RMC1: variants seen among roughly 807,000 people sequenced by gnomAD.
The protein encoded by RMC1 is regulator of MON1-CCZ1, also known as regulator of MON1-CCZ1 complex.
RMC1 carries 44 observed loss-of-function variants against 95.5 expected under a neutral mutation model. The observed-to-expected ratio is 0.46, with a 90% CI of 0.36 to 0.59. The LOEUF (loss-of-function observed/expected upper bound fraction) is 0.59. Ranked by LOEUF, RMC1 falls within the 20% of genes least tolerant of loss-of-function variation. RMC1 has a pLI of 0.00. For missense variants in RMC1, 705 were observed against 819.6 expected, an observed-to-expected ratio of 0.86 and a Z score of 1.71; for synonymous variants, 320 against 303.6, an observed-to-expected ratio of 1.05 and a Z score of -0.56.
intron 13 of RMC1, 70 bp from the exon 14 acceptor site, chr18:23,527,725 G>C: frequency 8.2e-7 from 1 of 1,218,096 alleles, no homozygotes; most frequent in Non-Finnish European, 1.2e-6. Flanking sequence ...TTTTATCATA[G>C]CAACGTGTGG....
intron 9 of RMC1, 141 bp downstream of exon 9, chr18:23,519,315 C>G (rs1008371415): frequency 1.5e-6 from 1 of 687,408 alleles, no homozygotes; most frequent in East Asian, 2.8e-5. Flanking sequence ...CCCAGGAGTT[C>G]GAGACCAGCC....
chr18:23,504,515 GT>G (rs2057666067), intron 2 of RMC1, 68 bp downstream of exon 2: 6 of 1,438,562 alleles, frequency 4.2e-6, no homozygotes, highest in Non-Finnish European at 5.9e-6. Context: ...AATTCAAATG[GT>G]TTTTTATAAT....
intron 12 of RMC1, among the ~76,000 whole-genome samples, 162 bp downstream of exon 12, chr18:23,524,644 T>C (rs955621462): frequency 3.3e-5 from 5 of 152,040 alleles, no homozygotes; most frequent in African/African-American, 1.2e-4. Context: ...TTTTTTACTA[T>C]ATGTGCATTT....
intron 19 of RMC1, 71 bp from the exon 20 acceptor site, chr18:23,531,554 C>T: frequency 2.5e-6 from 4 of 1,581,606 alleles, no homozygotes; most frequent in South Asian, 1.2e-5. Context: ...AGTAGACACA[C>T]CTACGAGATG....
At chr18:23,531,388 T>A in intron 19 of RMC1, 3 of 702,984 alleles carry the variant, frequency 4.3e-6, no homozygotes, top group Non-Finnish European at 6.3e-6. Flanking sequence ...CTAGGTCTAT[T>A]TCTAGCTCAA....
chr18:23,530,481 A>C lies in RMC1; in HGVS notation c.1763A>C (p.His588Pro). The change falls in exon 19 of 20, where the codon CAT becomes CCT. Residue 588 changes from histidine to proline, a missense_variant. Transcript: ENST00000269221. The stretch of plus-strand genomic sequence containing the variant: ...AGGTTTATCCGGGGCATTGGTGGCC[A>C]TGACAACATTTCTGCACGAAAATTT... Reference protein sequence around the residue: ...ALRFIRGIGGHDNISARKFLD... With the variant: ...ALRFIRGIGGPDNISARKFLD... 6.2e-7 allele frequency: 1 copy of C among 1,614,288 alleles called. No individual in the cohort carries two copies. Among genetic ancestry groups the C allele is most frequent in the Non-Finnish European group, 8.5e-7 (1 of 1,180,056 alleles).
chr18:23,523,563 A>G (rs1289246992), intron 10 of RMC1, among the ~76,000 whole-genome samples: 1 of 148,686 alleles, frequency 6.7e-6, no homozygotes, highest in Non-Finnish European at 1.5e-5. Flanking sequence ...AAAAAAAAAA[A>G]AAAAAAGAAA....
intron 13 of RMC1, among the ~76,000 whole-genome samples, chr18:23,527,563 G>C (rs1040796403): frequency 1.4e-5 from 2 of 143,830 alleles, no homozygotes; most frequent in Admixed American, 1.4e-4. Context: ...TTATAGGCAT[G>C]TGCCACTGAG....
intron 5 of RMC1, among the ~76,000 whole-genome samples, chr18:23,514,554 T>C (rs1484718904): frequency 6.7e-6 from 1 of 149,884 alleles, no homozygotes; most frequent in East Asian, 1.9e-4. Context: ...TGAAACTCCG[T>C]CTCAAAAAAA....
intron 2 of RMC1, among the ~76,000 whole-genome samples, chr18:23,505,696 C>T (rs548396832): frequency 1.3e-5 from 2 of 152,130 alleles, no homozygotes; most frequent in South Asian, 4.1e-4. Context: ...TGGTGAAGAG[C>T]AGCGCTCTGG....
rs765190813 is a variant in RMC1 at position 23,526,678 on chromosome 18, A to G, written c.1102A>G (p.Asn368Asp). The G allele has an allele frequency of 3.7e-6, 6 of 1,614,064 alleles. No homozygotes were observed. In the East Asian group the frequency reaches 1.3e-4, roughly 36 times the overall value. ...NLQVKLEPIVNLLPDKGRLMD... is the reference protein window; with the variant it reads ...NLQVKLEPIVDLLPDKGRLMD... The stretch of plus-strand genomic sequence containing the variant: ...CCAAGTGAAACTTGAGCCCATAGTA[A>G]ATCTCTTACCAGACAAAGGAAGACT... The change falls in exon 13 of 20, where the codon AAT becomes GAT. Residue 368 changes from asparagine (N) to aspartate (D), a missense_variant. Physicochemically the swap from Asn to Asp is conservative, Grantham distance 23. Transcript: ENST00000269221.
Position 23,529,211 on chromosome 18 carries a change from G to A in RMC1, c.1329G>A (p.Pro443=), listed in dbSNP as rs377649529. 93 of 1,613,806 alleles carry A rather than the reference G, an allele frequency of 5.8e-5. No individual in the cohort carries two copies. The East Asian group carries it at 8.0e-4, about 14-fold the overall frequency. The change falls in exon 15 of 20, where the codon CCG becomes CCA. Residue 443 remains proline (P), a synonymous_variant. Transcript: ENST00000269221. ...AAGCAGGGCAGAGCCGAAGCAGCCC[G>A]CTCCTCAAGAGGCCGGTGCGGACCC... is the stretch of plus-strand genomic sequence containing the variant. ...AVEAGQSRSS[P]LLKRPVRTQA...
In RMC1 at chr18:23,515,940, G is replaced by A; in HGVS notation, c.493G>A (p.Val165Met). 3 of 1,614,152 alleles carry A rather than the reference G, an allele frequency of 1.9e-6. No homozygotes were observed. The highest frequency in any genetic ancestry group is 2.5e-6 in the Non-Finnish European group (3 of 1,180,038). The change falls in exon 6 of 20, where the codon GTG (valine) becomes ATG (methionine). Residue 165 changes from valine (V) to methionine (M), a missense_variant. By Grantham distance (21) the Val-to-Met change is conservative. Coordinates refer to ENST00000269221, the MANE Select transcript of RMC1 (RefSeq NM_013326.5). ...GTACATGTACTGCCCCGAGAGCGCC[G>A]TGATCTTGCTGTCTACCACGGTCCT... ...NWYMYCPESA[V>M]ILLSTTVLEN...
intron 10 of RMC1, among the ~76,000 whole-genome samples, chr18:23,521,926 A>G (rs2058152710): frequency 6.6e-6 from 1 of 152,204 alleles, no homozygotes; most frequent in Non-Finnish European, 1.5e-5. Context: ...AGAATTGGCT[A>G]GTCTGAGGTT....
chr18:23,507,451 A>G (rs117412499), intron 3 of RMC1, among the ~76,000 whole-genome samples: 1,835 of 152,280 alleles, frequency 0.012, 16 homozygotes, highest in Non-Finnish European at 0.019. Context: ...GCAGCATAGA[A>G]TATGTGAGGT....
intron 12 of RMC1, among the ~76,000 whole-genome samples, chr18:23,526,396 G>A (rs2058298527): frequency 6.6e-6 from 1 of 152,176 alleles, no homozygotes; most frequent in South Asian, 2.1e-4. Context: ...GAGGTTACTT[G>A]GAAAAGAGTC....
intron 10 of RMC1, among the ~76,000 whole-genome samples, chr18:23,523,451 C>T (rs977557212): frequency 1.0e-4 from 14 of 139,668 alleles, no homozygotes; most frequent in African/African-American, 3.8e-4. Flanking sequence ...TGGCTCATGC[C>T]TGTAATCGCA....
chr18:23,519,283 C>A, intron 9 of RMC1, 109 bp downstream of exon 9: 2 of 904,586 alleles, frequency 2.2e-6, no homozygotes, highest in Non-Finnish European at 3.5e-6. Context: ...TTTGGGAGGC[C>A]AAGGCGGACA....
chr18:23,523,233 G>A (rs560545771), intron 10 of RMC1, among the ~76,000 whole-genome samples: 2 of 152,204 alleles, frequency 1.3e-5, no homozygotes, highest in African/African-American at 4.8e-5. Flanking sequence ...CCTTCTGATT[G>A]TACCTGGGTA....
Sources: allele counts gnomAD v4.1 joint callset (sites outside exome capture counted in the v4.1 genomes callset), GRCh38; gene constraint gnomAD v4.1.1; transcripts MANE v1.5; gene names NCBI Gene and HGNC (gene_info 2026-07-23, HGNC 2026-07-21).